SCFD1: variants seen among roughly 807,000 people sequenced by gnomAD.
SCFD1 encodes sec1 family domain containing 1.
SCFD1 carries 37 observed loss-of-function variants against 103.2 expected under a neutral mutation model. That is an observed-to-expected ratio of 0.36 (90% CI 0.28 to 0.47). The LOEUF is 0.47. Among genes scored for constraint, SCFD1 ranks in the 20% least tolerant of loss-of-function variants. SCFD1 has a pLI of 1.00. For missense variants in SCFD1, 639 were observed against 761.2 expected (o/e 0.84, Z 1.89); for synonymous variants, 264 against 245.0 (o/e 1.08, Z -0.73).
At chr14:30,631,442 CAG>C (rs1159985626) in intron 3 of SCFD1, among the ~76,000 whole-genome samples, 4 of 152,152 alleles carry the variant, frequency 2.6e-5, no homozygotes, top group Admixed American at 1.3e-4. Flanking sequence ...AAGTTGAAAA[CAG>C]AATGTTTTTA....
At chr14:30,664,200 TTTG>T (rs1887706558) in intron 10 of SCFD1, among the ~76,000 whole-genome samples, 1 of 152,128 alleles carries the variant, frequency 6.6e-6, no homozygotes, top group Non-Finnish European at 1.5e-5. Flanking sequence ...GGCAGCAATA[TTTG>T]TTGTTCTGCA....
At chr14:30,635,115 C>A in intron 4 of SCFD1, 1 of 373,368 alleles carries the variant, frequency 2.7e-6, no homozygotes, top group South Asian at 2.0e-5. Context: ...TTGTTAGTGA[C>A]GTTTGCAAAT....
chr14:30,696,322 A>AT (rs1215244585), intron 15 of SCFD1, among the ~76,000 whole-genome samples: 5 of 152,238 alleles, frequency 3.3e-5, no homozygotes, highest in African/African-American at 1.2e-4. Context: ...AGTGAAAGAA[A>AT]TTTAAAAAGT....
chr14:30,667,579 T>G (rs557004620), intron 10 of SCFD1, among the ~76,000 whole-genome samples: 14 of 152,206 alleles, frequency 9.2e-5, no homozygotes, highest in Admixed American at 3.3e-4. Context: ...GAGAAAGAAA[T>G]AAAGGGTATT....
chr14:30,721,741 A>G, intron 21 of SCFD1, 143 bp from the exon 22 acceptor site: 1 of 672,080 alleles, frequency 1.5e-6, no homozygotes, highest in Non-Finnish European at 2.6e-6. Flanking sequence ...AGCAAAATTA[A>G]AGGACCCACC....
intron 23 of SCFD1, among the ~76,000 whole-genome samples, chr14:30,725,333 ATTTG>A (rs1892968905): frequency 1.3e-5 from 2 of 152,034 alleles, no homozygotes. Context: ...ATGTTTTTCC[ATTTG>A]TTTGTGTCAT....
Position 30,694,873 on chromosome 14 carries a change from T to G in SCFD1, c.1339+4T>G. Reference sequence around the variant, plus strand: ...GATATAATATCAGACCCTGATGGTATGTACCAAAAATTTGAGGTTAATGTA... The same window carrying G: ...GATATAATATCAGACCCTGATGGTAGGTACCAAAAATTTGAGGTTAATGTA... On this transcript the variant is annotated splice_donor_region_variant and intron_variant, in intron 15 of 24. Coordinates refer to ENST00000458591, the MANE Select transcript of SCFD1 (RefSeq NM_016106.4). 2 of 1,580,974 alleles carry G rather than the reference T, an allele frequency of 1.3e-6. No individual in the cohort carries two copies. The highest frequency in any genetic ancestry group is 2.7e-5 in the African/African-American group (2 of 72,862).
At chr14:30,626,054 G>A (rs180932582) in intron 1 of SCFD1, among the ~76,000 whole-genome samples, 5 of 152,088 alleles carry the variant, frequency 3.3e-5, no homozygotes, top group Admixed American at 2.0e-4. Context: ...TGGAGGTGGA[G>A]GAAGAGCTCT....
chr14:30,657,994 T>G, intron 10 of SCFD1: 1 of 421,632 alleles, frequency 2.4e-6, no homozygotes, highest in South Asian at 1.8e-5. Flanking sequence ...AAAAGCAACT[T>G]TGCAGTGCCC....
chr14:30,649,598 A>G lies in SCFD1; in HGVS notation c.669+15A>G. On this transcript the variant is annotated intron_variant, in intron 8 of 24. Coordinates refer to ENST00000458591, the MANE Select transcript of SCFD1 (RefSeq NM_016106.4). ...TGGTAGCAGTGGTAAGTTCATGCGG[A>G]TATCACGTGGAGATAAATAACATTG... 1 of 1,559,048 alleles carries G rather than the reference A, an allele frequency of 6.4e-7. No individual in the cohort carries two copies. Among genetic ancestry groups the G allele is most frequent in the South Asian group, 1.2e-5 (1 of 82,876 alleles).
intron 23 of SCFD1, among the ~76,000 whole-genome samples, chr14:30,732,505 G>GT (rs1426774454): frequency 6.6e-6 from 1 of 152,226 alleles, no homozygotes; most frequent in African/African-American, 2.4e-5. Flanking sequence ...ATCCCTTTTA[G>GT]TTTTTTTGTC....
At chr14:30,634,601 C>G (rs1199406517) in intron 4 of SCFD1, among the ~76,000 whole-genome samples, 1 of 152,138 alleles carries the variant, frequency 6.6e-6, no homozygotes, top group East Asian at 1.9e-4. Flanking sequence ...CTGGCTTTAA[C>G]AAACAGAAAG....
chr14:30,663,555 A>G (rs1887637997), intron 10 of SCFD1, among the ~76,000 whole-genome samples: 1 of 152,196 alleles, frequency 6.6e-6, no homozygotes, highest in Non-Finnish European at 1.5e-5. Flanking sequence ...GTCTATAGGA[A>G]AAACAGTAAT....
At chr14:30,668,649 A>C (rs535051627) in intron 10 of SCFD1, among the ~76,000 whole-genome samples, 1 of 152,244 alleles carries the variant, frequency 6.6e-6, no homozygotes, top group Non-Finnish European at 1.5e-5. Context: ...CAATCTACCC[A>C]TCTGACAAAG....
chr14:30,718,523 T>A (rs1050259644), intron 20 of SCFD1, among the ~76,000 whole-genome samples: 1 of 152,244 alleles, frequency 6.6e-6, no homozygotes, highest in African/African-American at 2.4e-5. Flanking sequence ...ATCATCCTTC[T>A]CCTGTTCCCA....
At chr14:30,697,563 C>T (rs538530353) in intron 15 of SCFD1, among the ~76,000 whole-genome samples, 2 of 152,188 alleles carry the variant, frequency 1.3e-5, no homozygotes, top group South Asian at 2.1e-4. Context: ...CAGTGAACGT[C>T]GTCAGTAGAG....
intron 14 of SCFD1, among the ~76,000 whole-genome samples, chr14:30,692,504 T>C (rs949940115): frequency 1.3e-5 from 2 of 152,030 alleles, no homozygotes; most frequent in African/African-American, 4.8e-5. Context: ...ACAGAGAAGG[T>C]AGACGTTGAA....
At chr14:30,657,145 TA>T (rs1177766977) in intron 10 of SCFD1, among the ~76,000 whole-genome samples, 1 of 151,952 alleles carries the variant, frequency 6.6e-6, no homozygotes, top group Non-Finnish European at 1.5e-5. Flanking sequence ...CCGAGATGTC[TA>T]GGGATCCTTT....
At chr14:30,691,799 G>A (rs1480637813) in intron 14 of SCFD1, among the ~76,000 whole-genome samples, 3 of 152,122 alleles carry the variant, frequency 2.0e-5, no homozygotes, top group Non-Finnish European at 4.4e-5. Flanking sequence ...AGAAGCTGAT[G>A]TTAATAAGTA....
Sources: gnomAD v4.1 joint callset for allele counts (sites outside exome capture counted in the v4.1 genomes callset) on GRCh38, gnomAD v4.1.1 for gene constraint, MANE v1.5 for transcripts, NCBI Gene and HGNC (gene_info 2026-07-23, HGNC 2026-07-21) for gene names.